Variants in ZCCHC7 observed in about 807,000 individuals in gnomAD.
ZCCHC7 encodes the protein zinc finger CCHC domain-containing protein 7.
ZCCHC7 carries 35 observed loss-of-function variants against 52.0 expected under a neutral mutation model. The observed-to-expected ratio is 0.67, with a 90% CI of 0.51 to 0.89. The LOEUF (loss-of-function observed/expected upper bound fraction) is 0.89. Among genes scored for constraint, ZCCHC7 ranks in the 40% least tolerant of loss-of-function variants. The pLI is 0.00. For synonymous variants in ZCCHC7, 217 were observed against 221.5 expected (o/e 0.98, Z 0.18); for missense variants, 574 against 649.1 (o/e 0.88, Z 1.26).
chr9:37,126,510 G>T lies in ZCCHC7; in HGVS notation c.178G>T (p.Gly60Trp), dbSNP rs768977156. Residue 60 changes from glycine to tryptophan, a missense_variant, in exon 2 of 9, where the codon GGG (glycine) becomes TGG (tryptophan). Physicochemically the swap from Gly to Trp is radical, Grantham distance 184. Transcript: ENST00000336755. ...REEEHEEKNS[G>W]NSESSSSKPN... ...GGAAGAGCATGAAGAAAAGAACTCT[G>T]GGAATTCGGAATCTTCGAGTAGTAA... The T allele has an allele frequency of 6.2e-7, 1 of 1,613,762 alleles. No homozygotes were observed.
At chr9:37,356,808 A>T in intron 8 of ZCCHC7, 27 bp from the exon 9 acceptor site, 1 of 1,559,828 alleles carries the variant, frequency 6.4e-7, no homozygotes, top group East Asian at 2.2e-5. Flanking sequence ...GCTGCTGAAT[A>T]TGCAAAAATA....
intron 2 of ZCCHC7, among the ~76,000 whole-genome samples, chr9:37,220,622 C>T (rs1422576192): frequency 3.3e-5 from 5 of 152,022 alleles, no homozygotes; most frequent in South Asian, 2.1e-4. Context: ...TTTGAAAGAG[C>T]GAGAAATTAC....
chr9:37,121,788 A>T (rs10973222), intron 1 of ZCCHC7: 20,928 of 152,182 alleles, frequency 0.14, 1,746 homozygotes, highest in Non-Finnish European at 0.17. Flanking sequence ...CTGGGACTTA[A>T]GTGACTAAAT....
intron 2 of ZCCHC7, among the ~76,000 whole-genome samples, chr9:37,180,680 A>C (rs1822304048): frequency 6.6e-6 from 1 of 152,178 alleles, no homozygotes; most frequent in African/African-American, 2.4e-5. Context: ...GAATTGATAA[A>C]TTGCAAACTC....
chr9:37,199,644 TTTTC>T (rs1314629659), intron 2 of ZCCHC7, among the ~76,000 whole-genome samples: 4 of 141,982 alleles, frequency 2.8e-5, no homozygotes, highest in Non-Finnish European at 6.2e-5. Context: ...TACTGTTTCT[TTTTC>T]TGTCTGTCTG....
At chr9:37,229,728 T>A (rs1213947205) in intron 2 of ZCCHC7, among the ~76,000 whole-genome samples, 1 of 152,206 alleles carries the variant, frequency 6.6e-6, no homozygotes, top group Non-Finnish European at 1.5e-5. Context: ...CACTGTACAC[T>A]TAGGCTACAC....
intron 6 of ZCCHC7, 53 bp downstream of exon 6, chr9:37,327,887 C>A: frequency 6.4e-7 from 1 of 1,570,244 alleles, no homozygotes; most frequent in African/African-American, 1.4e-5. Context: ...ATTTACCCTT[C>A]TCTGAACTGC....
chr9:37,184,408 A>T (rs940061502), intron 2 of ZCCHC7, among the ~76,000 whole-genome samples: 2 of 147,090 alleles, frequency 1.4e-5, no homozygotes, highest in African/African-American at 5.0e-5. Flanking sequence ...AAAAAAAAAA[A>T]AGGCATTTAA....
chr9:37,319,261 T>C (rs936343545), intron 5 of ZCCHC7, among the ~76,000 whole-genome samples: 1 of 152,206 alleles, frequency 6.6e-6, no homozygotes, highest in African/African-American at 2.4e-5. Flanking sequence ...CTGTCTGTAT[T>C]TTGGATATAA....
intron 2 of ZCCHC7, among the ~76,000 whole-genome samples, chr9:37,235,420 A>G (rs772144458): frequency 1.6e-4 from 24 of 151,966 alleles, no homozygotes; most frequent in Non-Finnish European, 3.1e-4. Flanking sequence ...CATGTAGCCA[A>G]AAAGGACAGG....
At chr9:37,174,832 C>T (rs62535711) in intron 2 of ZCCHC7, among the ~76,000 whole-genome samples, 5,923 of 152,180 alleles carry the variant, frequency 0.039, 186 homozygotes, top group Non-Finnish European at 0.058. Context: ...GTTACCCTAA[C>T]AGCCTTAAGA....
intron 7 of ZCCHC7, 115 bp downstream of exon 7, chr9:37,349,567 T>A: frequency 1.0e-6 from 1 of 985,806 alleles, no homozygotes; most frequent in Non-Finnish European, 1.5e-6. Flanking sequence ...AACATTAAAG[T>A]AAGACTTAAT....
At chr9:37,183,240 T>G (rs899842899) in intron 2 of ZCCHC7, among the ~76,000 whole-genome samples, 5 of 152,182 alleles carry the variant, frequency 3.3e-5, no homozygotes, top group Admixed American at 3.3e-4. Context: ...AACAGTACAT[T>G]GTATACCGTT....
intron 2 of ZCCHC7, among the ~76,000 whole-genome samples, chr9:37,293,419 A>C (rs1828629816): frequency 6.6e-6 from 1 of 152,202 alleles, no homozygotes; most frequent in African/African-American, 2.4e-5. Flanking sequence ...ATCAGCAGAT[A>C]GATAGAAACT....
At chr9:37,122,861 CAGG>C (rs1392570731) in intron 1 of ZCCHC7, among the ~76,000 whole-genome samples, 6 of 152,198 alleles carry the variant, frequency 3.9e-5, no homozygotes, top group Non-Finnish European at 5.9e-5. Context: ...TTCTTGAACC[CAGG>C]AGGAGGAGGT....
At chr9:37,120,234 G>T (rs1410065551), upstream of ZCCHC7, among the ~76,000 whole-genome samples, 2 of 152,216 alleles carry the variant, frequency 1.3e-5, no homozygotes, top group African/African-American at 4.8e-5. Flanking sequence ...TCCTCATGGG[G>T]GTTGTAGTTT....
intron 2 of ZCCHC7, among the ~76,000 whole-genome samples, chr9:37,235,478 CCTTT>C (rs1825600075): frequency 2.0e-5 from 3 of 148,770 alleles, no homozygotes; most frequent in South Asian, 4.3e-4. Context: ...TTCCTTCCTT[CCTTT>C]CTTTCCTTCC....
chr9:37,308,549 G>A (rs1829440261), intron 5 of ZCCHC7, among the ~76,000 whole-genome samples: 1 of 151,970 alleles, frequency 6.6e-6, no homozygotes, highest in African/African-American at 2.4e-5. Context: ...CTTGATTTTG[G>A]CCTCTAATAT....
intron 6 of ZCCHC7, among the ~76,000 whole-genome samples, chr9:37,348,698 T>C (rs1821177053): frequency 6.6e-6 from 1 of 152,118 alleles, no homozygotes; most frequent in African/African-American, 2.4e-5. Context: ...CTATCCTAAC[T>C]TCGACACTTA....
Sources: gnomAD v4.1 joint callset for allele counts (sites outside exome capture counted in the v4.1 genomes callset) on GRCh38, gnomAD v4.1.1 for gene constraint, MANE v1.5 for transcripts, NCBI Gene and HGNC (gene_info 2026-07-23, HGNC 2026-07-21) for gene names.